Variants in TUBGCP5 observed in about 807,000 individuals in gnomAD.
TUBGCP5 encodes the protein tubulin gamma complex component 5, also known as gamma-tubulin complex component 5.
TUBGCP5 carries 98 observed loss-of-function variants against 134.7 expected under a neutral mutation model. That is an observed-to-expected ratio of 0.73 (90% confidence interval 0.62 to 0.86). The LOEUF (loss-of-function observed/expected upper bound fraction) is 0.86. Among genes scored for constraint, TUBGCP5 ranks in the 40% least tolerant of loss-of-function variants. The probability of loss-of-function intolerance (pLI) is 0.00; values close to 1 mark genes in which losing one functional copy is unlikely to be tolerated. For synonymous variants in TUBGCP5, 456 were observed against 431.4 expected, an observed-to-expected ratio of 1.06 and a Z score of -0.71; for missense variants, 1,150 against 1,244.8, an observed-to-expected ratio of 0.92 and a Z score of 1.15.
In TUBGCP5 at chr15:22,991,719, G is replaced by A. The variant is rs746675989; in HGVS notation, c.*61+5126C>T. 1.2e-3 allele frequency among the ~76,000 whole-genome samples: 180 copies of A among 152,202 alleles called. 2 individuals carry two copies. The highest frequency in any genetic ancestry group is 2.0e-3 in the Non-Finnish European group (133 of 68,040). ...ATTCAAGCAAAAAGTTTGAGGATGGGCCACCTGGGAAGCACCCATCTCAAA... is the reference window on the plus strand; with the variant it reads ...ATTCAAGCAAAAAGTTTGAGGATGGACCACCTGGGAAGCACCCATCTCAAA... On this transcript the variant is annotated intron_variant and NMD_transcript_variant, in intron 23 of 23. Coordinates refer to the TUBGCP5 transcript ENST00000614508.
chr15:23,037,024 T>C lies in TUBGCP5; in HGVS notation c.201-19A>G. The C allele has an allele frequency of 6.3e-7, 1 of 1,594,830 alleles. No individual in the cohort carries two copies. Among genetic ancestry groups the C allele is most frequent in the Non-Finnish European group, 8.5e-7 (1 of 1,169,772 alleles). ...ATAAATTCTAAAATATAAGAAAAGA[T>C]TATAAAGCTATCTTAAAAAGATCTA... On this transcript the variant is annotated intron_variant, in intron 2 of 22. Coordinates refer to ENST00000615383, the MANE Select transcript of TUBGCP5 (RefSeq NM_052903.6).
At chr15:23,029,500 C>A (rs112938195) in intron 6 of TUBGCP5, among the ~76,000 whole-genome samples, 1 of 152,068 alleles carries the variant, frequency 6.6e-6, no homozygotes, top group African/African-American at 2.4e-5. Context: ...CGATTACAGG[C>A]GTAAGCCACT....
chr15:23,036,752 A>T, intron 3 of TUBGCP5, 145 bp downstream of exon 3: 1 of 654,286 alleles, frequency 1.5e-6, no homozygotes, highest in Non-Finnish European at 2.7e-6. Flanking sequence ...GTTTGATGGC[A>T]ATATTTAAGT....
chr15:23,009,059 T>C (rs1290704462), intron 15 of TUBGCP5, among the ~76,000 whole-genome samples, 178 bp from the exon 16 acceptor site: 1 of 152,020 alleles, frequency 6.6e-6, no homozygotes, highest in Admixed American at 6.5e-5. Context: ...AGCATAGGTT[T>C]TCCTTTCATC....
Position 23,036,975 on chromosome 15 carries a change from A to T in TUBGCP5, c.231T>A (p.Asp77Glu), listed in dbSNP as rs776631151. Residue 77 changes from aspartate to glutamate, a missense_variant, in exon 3 of 23, where the codon GAT becomes GAA. Asp to Glu is a conservative substitution (Grantham distance 45). This residue lies in a region of TUBGCP5 where 453 missense variants were observed against 394.7 expected (regional missense o/e 1.15). Transcript: ENST00000615383. ...GIYEKFVIHS[D>E]LSKAASWKRL... ...TCTTCCAACTAGCAGCTTTGCTTAG[A>T]TCAGAATGAATGACAAATTTTTCAT... 17 of 1,606,312 alleles carry T rather than the reference A, an allele frequency of 1.1e-5. No homozygotes were observed. The highest frequency in any genetic ancestry group is 1.4e-5 in the Non-Finnish European group (17 of 1,177,898).
Position 23,011,340 on chromosome 15 carries a change from TAAAG to T in TUBGCP5, c.1757-13_1757-10del, listed in dbSNP as rs756828286. On this transcript the variant is annotated splice_polypyrimidine_tract_variant and intron_variant, in intron 13 of 22. Coordinates refer to ENST00000615383, the MANE Select transcript of TUBGCP5 (RefSeq NM_052903.6). Reference sequence around the variant, plus strand: ...ACTTTTTCTTTCTGCATCTGAAACATAAAGAAATATGTAAGGTGAACTAAGTTCT... The same window carrying T: ...ACTTTTTCTTTCTGCATCTGAAACATAAATATGTAAGGTGAACTAAGTTCT... The T allele has an allele frequency of 1.9e-6, 3 of 1,603,234 alleles. No homozygotes were observed. Among genetic ancestry groups the T allele is most frequent in the South Asian group, 1.1e-5 (1 of 89,880 alleles).
chr15:23,007,540 C>T (rs967156273), intron 16 of TUBGCP5, among the ~76,000 whole-genome samples: 6 of 152,180 alleles, frequency 3.9e-5, no homozygotes, highest in African/African-American at 1.4e-4. Context: ...ACTCCCAGCC[C>T]AGTGCAGCAC....
chr15:22,988,232 T>C (rs947638313), intron 23 of TUBGCP5, among the ~76,000 whole-genome samples: 9 of 151,870 alleles, frequency 5.9e-5, no homozygotes, highest in Non-Finnish European at 1.3e-4. Flanking sequence ...CAATAAGCAG[T>C]GTGCTTACAT....
chr15:23,002,270 G>A (rs1359079052), intron 21 of TUBGCP5, among the ~76,000 whole-genome samples: 2 of 152,136 alleles, frequency 1.3e-5, no homozygotes, highest in South Asian at 4.1e-4. Context: ...TTGATTCCGA[G>A]TACAGCCAAT....
At chr15:23,026,323 A>G in intron 7 of TUBGCP5, 118 bp from the exon 8 acceptor site, 1 of 820,118 alleles carries the variant, frequency 1.2e-6, no homozygotes, top group African/African-American at 1.7e-5. Context: ...ACAAGTATAC[A>G]TAATAAATGG....
chr15:23,022,092 T>C lies in TUBGCP5; in HGVS notation c.1238A>G (p.His413Arg). ...APRLSQLKVL[H>R]KVFSTGVAEV... ...TGCTACTCCAGTACTAAACACTTTG[T>C]GCAGAACCTTGAGCTGAGACAATCG... The change falls in exon 11 of 23, where the codon CAC (histidine) becomes CGC (arginine). Residue 413 changes from histidine to arginine, a missense_variant. Around this residue, in one of 2 missense-constraint regions of TUBGCP5, gnomAD observed 697 missense variants for 850.1 expected, o/e 0.82. Coordinates refer to ENST00000615383, the MANE Select transcript of TUBGCP5 (RefSeq NM_052903.6). The C allele has an allele frequency of 3.1e-6, 5 of 1,614,206 alleles. No individual in the cohort carries two copies. The highest frequency in any genetic ancestry group is 4.2e-6 in the Non-Finnish European group (5 of 1,180,042).
chr15:23,031,137 G>A, intron 5 of TUBGCP5, 117 bp from the exon 6 acceptor site: 1 of 1,029,914 alleles, frequency 9.7e-7, no homozygotes, highest in Non-Finnish European at 1.3e-6. Context: ...ACATGGAACA[G>A]AAAAACAAAT....
In TUBGCP5 at chr15:23,039,470, C is replaced by G. The variant is rs769265721; in HGVS notation, c.74G>C (p.Gly25Ala). ...TGCCTCGTCCTGGAGGCCGGCGACA[C>G]CCCGGACGAGCTCCCGCACGTCGCG... ...QERDVRELVRGVAGLQDEADP... is the reference protein window; with the variant it reads ...QERDVRELVRAVAGLQDEADP... Residue 25 changes from glycine (G) to alanine (A), a missense_variant, in exon 1 of 23, where the codon GGT becomes GCT. Gly to Ala is a moderately conservative substitution (Grantham distance 60). This residue lies in a region of TUBGCP5 where 453 missense variants were observed against 394.7 expected (regional missense o/e 1.15). Coordinates refer to ENST00000615383, the MANE Select transcript of TUBGCP5 (RefSeq NM_052903.6). The G allele has an allele frequency of 1.3e-6, 2 of 1,544,496 alleles. No homozygotes were observed. Among genetic ancestry groups the G allele is most frequent in the East Asian group, 5.1e-5 (2 of 38,922 alleles).
At chr15:23,003,041 A>G in intron 21 of TUBGCP5, 24 bp downstream of exon 21, 1 of 1,612,322 alleles carries the variant, frequency 6.2e-7, no homozygotes, top group South Asian at 1.1e-5. Flanking sequence ...CACAGTGCAG[A>G]TGCTGCAGAA....
At position 23,036,923 on chromosome 15, in the gene TUBGCP5, G is replaced by A. The variant is rs2140710158; in HGVS notation, c.283C>T (p.Pro95Ser). The change falls in exon 3 of 23, where the codon CCA becomes TCA. Residue 95 changes from proline (P) to serine (S), a missense_variant. Pro to Ser is a moderately conservative substitution (Grantham distance 74, BLOSUM62 -1). This residue lies in a region of TUBGCP5 where 453 missense variants were observed against 394.7 expected (regional missense o/e 1.15). Coordinates refer to ENST00000615383, the MANE Select transcript of TUBGCP5 (RefSeq NM_052903.6). ...KRLTEEFLNA[P>S]LPSIKEIKTD... ...TTTATTTCCTTTATACTGGGAAGTG[G>A]TGCATTTAGAAATTCCTCCGTTAAT... 6.2e-7 allele frequency: 1 copy of A among 1,611,186 alleles called. No individual in the cohort carries two copies. Among genetic ancestry groups the A allele is most frequent in the Middle Eastern group, 1.7e-4 (1 of 6,058 alleles).
chr15:23,004,762 G>C (rs1414493991), intron 19 of TUBGCP5, among the ~76,000 whole-genome samples: 1 of 152,114 alleles, frequency 6.6e-6, no homozygotes, highest in African/African-American at 2.4e-5. Context: ...GCAGTCAGGG[G>C]AAACGTGGAG....
At position 23,000,659 on chromosome 15, in the gene TUBGCP5, T is replaced by C. The variant is rs750302914; in HGVS notation, c.2938A>G (p.Ile980Val). ...AGLGTWRMESIEKMESDFKNC... is the reference protein window; with the variant it reads ...AGLGTWRMESVEKMESDFKNC... ...TTAAAATCAGATTCCATTTTCTCTA[T>C]AGATTCCATTCTAGGAATAAAAGTA... The change falls in exon 22 of 23, where the codon ATA (isoleucine) becomes GTA (valine). Residue 980 changes from isoleucine to valine, a missense_variant. Transcript: ENST00000615383. The C allele has an allele frequency of 2.2e-5, 35 of 1,601,590 alleles. No homozygotes were observed. Among genetic ancestry groups the C allele is most frequent in the Non-Finnish European group, 3.0e-5 (35 of 1,171,646 alleles).
intron 20 of TUBGCP5, among the ~76,000 whole-genome samples, chr15:23,003,632 GTTTT>G (rs531926227): frequency 0.019 from 1,678 of 88,726 alleles, 42 homozygotes; most frequent in African/African-American, 0.063. Flanking sequence ...TCCTCCTTCT[GTTTT>G]TTTTTTTTTT....
In TUBGCP5 at chr15:23,039,490, G is replaced by A; in HGVS notation, c.54C>T (p.Asp18=). 7 of 1,523,066 alleles carry A rather than the reference G, an allele frequency of 4.6e-6. No individual in the cohort carries two copies. Among genetic ancestry groups the A allele is most frequent in the South Asian group, 2.5e-5 (2 of 81,240 alleles). 94.3% of individuals were successfully genotyped at this position (1,523,066 alleles called of 1,614,324 possible). A position where few individuals can be genotyped will look rare whatever the true frequency, so the allele number is the denominator to read the frequency against. Residue 18 remains aspartate (D), a synonymous_variant, in exon 1 of 23, where the codon GAC becomes GAT. Transcript: ENST00000615383. ...CGACACCCCGGACGAGCTCCCGCACGTCGCGCTCCTGCTGCGCGTCCAACC... is the reference window on the plus strand; with the variant it reads ...CGACACCCCGGACGAGCTCCCGCACATCGCGCTCCTGCTGCGCGTCCAACC... ...WSRLDAQQER[D]VRELVRGVAG...
Sources: gnomAD v4.1 joint callset for allele counts (sites outside exome capture counted in the v4.1 genomes callset) on GRCh38, gnomAD v4.1.1 for gene constraint, gnomAD v4.1.1 regional missense constraint, MANE v1.5 for transcripts, NCBI Gene and HGNC (gene_info 2026-07-23, HGNC 2026-07-21) for gene names.